The following PTPRD variants were observed in gnomAD, a reference collection of about 807,000 sequenced individuals.
PTPRD encodes receptor-type tyrosine-protein phosphatase delta.
PTPRD carries 34 observed loss-of-function variants against 214.5 expected under a neutral mutation model. The observed-to-expected ratio is 0.16, with a 90% confidence interval of 0.12 to 0.21. PTPRD has a LOEUF of 0.21. Ranked by LOEUF, PTPRD falls within the 10% of genes least tolerant of loss-of-function variation. PTPRD has a pLI of 1.00. For missense variants in PTPRD, 2,545 were observed against 2,398.7 expected, an observed-to-expected ratio of 1.06 and a Z score of -1.27; for synonymous variants, 1,128 against 845.7, an observed-to-expected ratio of 1.33 and a Z score of -5.79.
At chr9:8,637,386 C>T (rs1443970432) in intron 12 of PTPRD, among the ~76,000 whole-genome samples, 1 of 152,328 alleles carries the variant, frequency 6.6e-6, no homozygotes, top group South Asian at 2.1e-4. Context: ...TAAAGTGACT[C>T]TCTAACCCAG....
chr9:10,150,855 A>G (rs1366978602), intron 3 of PTPRD, among the ~76,000 whole-genome samples: 2 of 152,020 alleles, frequency 1.3e-5, no homozygotes, highest in Non-Finnish European at 2.9e-5. Context: ...CAGTCCACAA[A>G]TTTGGAGTTC....
intron 2 of PTPRD, among the ~76,000 whole-genome samples, chr9:10,606,514 AT>A (rs1432775899): frequency 6.8e-6 from 1 of 148,066 alleles, no homozygotes; most frequent in Non-Finnish European, 1.5e-5. Context: ...GAAACACTCC[AT>A]TACTTCTTCT....
intron 12 of PTPRD, among the ~76,000 whole-genome samples, chr9:8,708,923 A>C (rs2098267868): frequency 6.6e-6 from 1 of 152,186 alleles, no homozygotes. Context: ...CTTTAAAAAA[A>C]GAATGAAATG....
chr9:9,272,557 G>A (rs917838409), intron 9 of PTPRD, among the ~76,000 whole-genome samples: 1 of 151,246 alleles, frequency 6.6e-6, no homozygotes, highest in African/African-American at 2.4e-5. Context: ...TGGGGGCGAA[G>A]GGCGGTCATC....
At chr9:9,024,338 G>GTTTTTTTTTTTTTT (rs746383829) in intron 10 of PTPRD, among the ~76,000 whole-genome samples, 2 of 61,358 alleles carry the variant, frequency 3.3e-5, no homozygotes, top group East Asian at 5.3e-4. Flanking sequence ...TCGATTCTTT[G>GTTTTTTTTTTTTTT]TTTTTTTTTG....
intron 9 of PTPRD, among the ~76,000 whole-genome samples, chr9:9,213,407 G>C (rs895302286): frequency 1.3e-5 from 2 of 152,148 alleles, no homozygotes; most frequent in Non-Finnish European, 2.9e-5. Flanking sequence ...TTCGTGCACA[G>C]TTATTGGTAT....
At chr9:8,572,983 T>C (rs2091548374) in intron 14 of PTPRD, among the ~76,000 whole-genome samples, 1 of 152,064 alleles carries the variant, frequency 6.6e-6, no homozygotes, top group African/African-American at 2.4e-5. Flanking sequence ...TCTGGTAAAG[T>C]ACATTTAGAT....
intron 8 of PTPRD, among the ~76,000 whole-genome samples, chr9:9,411,053 A>ATG (rs1173630881): frequency 2.0e-5 from 3 of 150,660 alleles, no homozygotes; most frequent in East Asian, 3.9e-4. Flanking sequence ...GTGTGTGTGT[A>ATG]TGTGTGTGTG....
intron 5 of PTPRD, among the ~76,000 whole-genome samples, chr9:9,875,634 A>T (rs76104554): frequency 0.012 from 1,870 of 152,244 alleles, 39 homozygotes; most frequent in African/African-American, 0.042. Context: ...ACAATGTCTT[A>T]TCAGTTTGGA....
chr9:10,142,953 T>G (rs1465506976), intron 3 of PTPRD, among the ~76,000 whole-genome samples: 1 of 151,738 alleles, frequency 6.6e-6, no homozygotes, highest in Middle Eastern at 3.4e-3. Flanking sequence ...CCATAAAAAA[T>G]GATGAGTTCA....
In PTPRD at chr9:10,213,729, G is replaced by C. The variant is rs117449034; in HGVS notation, c.-545+127234C>G. On this transcript the variant is annotated intron_variant, in intron 3 of 45. Coordinates refer to ENST00000381196, the MANE Select transcript of PTPRD (RefSeq NM_002839.4). The stretch of plus-strand genomic sequence containing the variant: ...ATTTATTGAAGTAAGATCTGCCTTG[G>C]AATAATGAGTCCTGGACAAAACAAA... Among the ~76,000 whole-genome samples, 52 of 152,082 alleles carry C rather than the reference G, an allele frequency of 3.4e-4. No individual in the cohort carries two copies. In the East Asian group the frequency reaches 9.9e-3, roughly 29 times the overall value.
rs1412097441 is a variant in PTPRD, at chr9:10,597,866, T to C, written c.-600+14532A>G. ...TATTAAGAACATAACAGGACTTCCA[T>C]TGAACATTGAGTCTTTCCAGGTGGG... On this transcript the variant is annotated intron_variant, in intron 2 of 45. Coordinates refer to ENST00000381196, the MANE Select transcript of PTPRD (RefSeq NM_002839.4). 5.9e-5 allele frequency among the ~76,000 whole-genome samples: 9 copies of C among 151,852 alleles called. No homozygotes were observed. In the South Asian group the frequency reaches 6.2e-4, roughly 10 times the overall value.
chr9:9,066,748 C>A (rs2099735127), intron 10 of PTPRD, among the ~76,000 whole-genome samples: 1 of 152,130 alleles, frequency 6.6e-6, no homozygotes, highest in Admixed American at 6.5e-5. Flanking sequence ...ATAAGCCCGA[C>A]CATGGGGTAG....
At chr9:8,935,527 T>TA (rs973342687) in intron 11 of PTPRD, among the ~76,000 whole-genome samples, 1 of 152,118 alleles carries the variant, frequency 6.6e-6, no homozygotes, top group Admixed American at 6.6e-5. Flanking sequence ...AAAGTCTACT[T>TA]ACTACCTTTT....
At chr9:9,517,043 T>C (rs2096855363) in intron 8 of PTPRD, among the ~76,000 whole-genome samples, 1 of 152,088 alleles carries the variant, frequency 6.6e-6, no homozygotes, top group Non-Finnish European at 1.5e-5. Context: ...AATGAAACCA[T>C]ATCAAATGAG....
At chr9:8,917,394 C>T (rs1030793114) in intron 11 of PTPRD, among the ~76,000 whole-genome samples, 4 of 151,736 alleles carry the variant, frequency 2.6e-5, no homozygotes, top group Non-Finnish European at 4.4e-5. Context: ...ACCTCGGCCT[C>T]CCAAAGTGCT....
chr9:10,152,528 A>T (rs2099067544), intron 3 of PTPRD, among the ~76,000 whole-genome samples: 1 of 152,144 alleles, frequency 6.6e-6, no homozygotes, highest in Non-Finnish European at 1.5e-5. Flanking sequence ...TTGAGCCTTA[A>T]AGAAGAAGGA....
intron 2 of PTPRD, among the ~76,000 whole-genome samples, chr9:10,463,185 C>A (rs1264526739): frequency 6.6e-6 from 1 of 151,874 alleles, no homozygotes; most frequent in African/African-American, 2.4e-5. Flanking sequence ...TTATATATTT[C>A]TGAATATACG....
At chr9:10,315,987 A>G (rs914733768) in intron 3 of PTPRD, among the ~76,000 whole-genome samples, 1 of 151,778 alleles carries the variant, frequency 6.6e-6, no homozygotes, top group Admixed American at 6.6e-5. Flanking sequence ...CCACTGTGGA[A>G]TTCATAAGAA....
Sources: allele counts gnomAD v4.1 joint callset (sites outside exome capture counted in the v4.1 genomes callset), GRCh38; gene constraint gnomAD v4.1.1; transcripts MANE v1.5; gene names NCBI Gene and HGNC (gene_info 2026-07-23, HGNC 2026-07-21).